The following NEK7 variants were observed in gnomAD, a reference collection of about 807,000 sequenced individuals.
NEK7 encodes the protein serine/threonine-protein kinase Nek7.
A neutral mutation model predicts 44.6 loss-of-function variants in NEK7; 18 were observed. The ratio of observed to expected loss-of-function variants is 0.40; its 90% confidence interval spans 0.28 to 0.60. NEK7 has a LOEUF of 0.60. Ranked by LOEUF, NEK7 falls within the 20% of genes least tolerant of loss-of-function variation. The pLI is 0.38. For missense variants in NEK7, 256 were observed against 366.5 expected (o/e 0.70, Z 2.46); for synonymous variants, 130 against 121.1 (o/e 1.07, Z -0.48).
intron 9 of NEK7, among the ~76,000 whole-genome samples, chr1:198,311,547 C>A (rs1266091697): frequency 2.6e-5 from 4 of 151,410 alleles, no homozygotes; most frequent in Non-Finnish European, 5.9e-5. Context: ...CAGTTTTTGC[C>A]CATTCAGTAT....
intron 9 of NEK7, among the ~76,000 whole-genome samples, chr1:198,303,193 C>T (rs1052149991): frequency 6.6e-5 from 10 of 152,060 alleles, no homozygotes; most frequent in Non-Finnish European, 1.2e-4. Flanking sequence ...GTATGAAAAA[C>T]CAAGCATATA....
At position 198,252,528 on chromosome 1, in the gene NEK7, CTATATATATATATATATA is replaced by C. The variant is rs1162099133; in HGVS notation, c.58-489_58-472del. ...TTTTTAGGCTTTCCTATCTCACATA[CTATATATATATATATATA>C]TATATATATATATATATATATAAAA... On this transcript the variant is annotated intron_variant, in intron 2 of 9. Coordinates refer to ENST00000367385, the MANE Select transcript of NEK7 (RefSeq NM_133494.3). Among the ~76,000 whole-genome samples, 10 of 32,698 alleles carry C rather than the reference CTATATATATATATATATA, an allele frequency of 3.1e-4. 2 individuals are homozygous for C. The highest frequency in any genetic ancestry group is 4.1e-4 in the Non-Finnish European group (8 of 19,572). The allele number at this position is 32,698 out of a possible 152,430, so 21.5% of individuals were successfully genotyped here. A position where few individuals can be genotyped will look rare whatever the true frequency, so the allele number is the denominator to read the frequency against.
intron 7 of NEK7, 53 bp downstream of exon 7, chr1:198,279,114 A>G (rs947377058): frequency 8.8e-5 from 95 of 1,078,360 alleles, no homozygotes; most frequent in Non-Finnish European, 1.3e-5. Context: ...TGTGATTAAA[A>G]GATAAGAGGT....
At chr1:198,264,259 A>C (rs1448611158) in intron 5 of NEK7, 24 bp downstream of exon 5, 1 of 1,538,040 alleles carries the variant, frequency 6.5e-7, no homozygotes, top group African/African-American at 1.4e-5. Flanking sequence ...AAATTGTCTT[A>C]ATGTTTTGTT....
rs1047091483 is a variant in NEK7, at chr1:198,321,667, G to T, written c.*2145G>T. On this transcript the variant is annotated 3_prime_UTR_variant, in exon 10 of 10. Coordinates refer to ENST00000367385, the MANE Select transcript of NEK7 (RefSeq NM_133494.3). ...TCTATATGTGGAAACTTTTTGCTTC[G>T]AATATTGTATCTTTTTAAATCTAAA... 6.6e-6 allele frequency: 1 copy of T among 151,946 alleles called. No homozygotes were observed. The highest frequency in any genetic ancestry group is 2.4e-5 in the African/African-American group (1 of 41,390). The allele number at this position is 151,946 out of a possible 1,614,324, so 9.4% of individuals were successfully genotyped here. A position where few individuals can be genotyped will look rare whatever the true frequency, so the allele number is the denominator to read the frequency against.
intron 1 of NEK7, among the ~76,000 whole-genome samples, chr1:198,163,864 A>C (rs1250604283): frequency 1.3e-5 from 2 of 152,328 alleles, no homozygotes; most frequent in Admixed American, 1.3e-4. Flanking sequence ...AGTTTTAATA[A>C]TGTATTTACT....
At chr1:198,184,947 C>T (rs1032327172) in intron 1 of NEK7, among the ~76,000 whole-genome samples, 2 of 152,010 alleles carry the variant, frequency 1.3e-5, no homozygotes, top group African/African-American at 4.8e-5. Context: ...GGCTTCAAGT[C>T]ATTTTCTTCC....
chr1:198,312,127 G>A (rs940947157), intron 9 of NEK7, among the ~76,000 whole-genome samples: 13 of 152,126 alleles, frequency 8.5e-5, no homozygotes, highest in Admixed American at 6.5e-4. Flanking sequence ...CCTGTTATTG[G>A]TTTATTCAGA....
At chr1:198,257,360 T>A (rs1653301403) in intron 3 of NEK7, among the ~76,000 whole-genome samples, 2 of 152,168 alleles carry the variant, frequency 1.3e-5, no homozygotes, top group African/African-American at 4.8e-5. Context: ...TAATTTCTAT[T>A]AATAAGTTAC....
At chr1:198,159,072 C>T (rs1664011242) in intron 1 of NEK7, among the ~76,000 whole-genome samples, 1 of 152,142 alleles carries the variant, frequency 6.6e-6, no homozygotes, top group South Asian at 2.1e-4. Context: ...AGCCCGGGAG[C>T]CCGGAGGACC....
At chr1:198,262,253 A>G (rs140351713) in intron 3 of NEK7, among the ~76,000 whole-genome samples, 1,712 of 152,088 alleles carry the variant, frequency 0.011, 19 homozygotes, top group Middle Eastern at 0.041. Flanking sequence ...CATTTAGCAT[A>G]TATTAATTGC....
chr1:198,248,776 G>A (rs1666904950), intron 2 of NEK7, among the ~76,000 whole-genome samples: 1 of 152,026 alleles, frequency 6.6e-6, no homozygotes, highest in South Asian at 2.1e-4. Flanking sequence ...AAATAGCAGA[G>A]AAATACTAGA....
chr1:198,217,756 A>G (rs1665963701), intron 1 of NEK7, among the ~76,000 whole-genome samples: 1 of 151,700 alleles, frequency 6.6e-6, no homozygotes, highest in African/African-American at 2.4e-5. Flanking sequence ...AAATCAATGT[A>G]CAGAAATCAG....
intron 5 of NEK7, among the ~76,000 whole-genome samples, chr1:198,271,920 T>TACAC (rs569767811): frequency 0.043 from 6,223 of 145,162 alleles, 206 homozygotes; most frequent in Middle Eastern, 0.062. Flanking sequence ...TATATATATA[T>TACAC]ATATACACAC....
At chr1:198,239,365 C>G (rs1666623784) in intron 2 of NEK7, among the ~76,000 whole-genome samples, 1 of 151,984 alleles carries the variant, frequency 6.6e-6, no homozygotes, top group Non-Finnish European at 1.5e-5. Flanking sequence ...TGATTATAAC[C>G]ATGCTTTTTT....
chr1:198,157,745 G>T (rs1209201239), intron 1 of NEK7, among the ~76,000 whole-genome samples: 1 of 152,198 alleles, frequency 6.6e-6, no homozygotes, highest in East Asian at 1.9e-4. Context: ...GGGAGAGAGT[G>T]GGTGGTGGGA....
intron 9 of NEK7, among the ~76,000 whole-genome samples, chr1:198,302,797 A>G (rs761347588): frequency 1.3e-5 from 2 of 152,208 alleles, no homozygotes; most frequent in African/African-American, 2.4e-5. Context: ...CCCACTTTAC[A>G]TATGAGTAAG....
At chr1:198,292,888 A>G in intron 7 of NEK7, 57 bp from the exon 8 acceptor site, 1 of 910,098 alleles carries the variant, frequency 1.1e-6, no homozygotes, top group Non-Finnish European at 1.8e-6. Flanking sequence ...GTTTCTGACC[A>G]CAGCTGTATC....
chr1:198,159,752 C>G (rs1442679234), intron 1 of NEK7, among the ~76,000 whole-genome samples: 3 of 152,142 alleles, frequency 2.0e-5, no homozygotes, highest in African/African-American at 7.2e-5. Flanking sequence ...TAAAACAGCA[C>G]TTACCCAAAG....
Sources: allele counts gnomAD v4.1 joint callset (sites outside exome capture counted in the v4.1 genomes callset), GRCh38; gene constraint gnomAD v4.1.1; transcripts MANE v1.5; gene names NCBI Gene and HGNC (gene_info 2026-07-23, HGNC 2026-07-21).